Variants in TPRX1 observed in about 807,000 individuals in gnomAD.
TPRX1 encodes the protein tetrapeptide repeat homeobox 1.
Under a neutral mutation model 8.1 loss-of-function variants are expected in TPRX1, and 2 were observed. That is an observed-to-expected ratio of 0.25 (90% CI 0.10 to 0.78). TPRX1 has a LOEUF of 0.78. Ranked by LOEUF, TPRX1 falls within the 30% of genes least tolerant of loss-of-function variation. The pLI, the probability that TPRX1 is intolerant of heterozygous loss-of-function variation, is 0.70. For missense variants in TPRX1, 517 were observed against 586.9 expected, an observed-to-expected ratio of 0.88 and a Z score of 1.23; for synonymous variants, 257 against 254.1, an observed-to-expected ratio of 1.01 and a Z score of -0.11.
At chr19:47,818,414 C>CCATT (rs1328304654) in intron 2 of TPRX1, 2 of 451,650 alleles carry the variant, frequency 4.4e-6, no homozygotes, top group African/African-American at 4.0e-5. Context: ...ATCCATCCAT[C>CCATT]CCTCCGTCCA....
At chr19:47,801,958 A>T in exon 4 of TPRX1, 1 of 1,614,082 alleles carries the variant, frequency 6.2e-7, no homozygotes, top group Non-Finnish European at 8.5e-7. Context: ...CTGTGAAGTG[A>T]GGGAATAACT....
chr19:47,805,790 A>G (rs907397245), intron 2 of TPRX1, among the ~76,000 whole-genome samples: 1 of 152,202 alleles, frequency 6.6e-6, no homozygotes, highest in Non-Finnish European at 1.5e-5. Context: ...GTCAATAAAG[A>G]CATAAACAGA....
At chr19:47,802,816 C>G in exon 4 of TPRX1, 4 of 1,601,422 alleles carry the variant, frequency 2.5e-6, no homozygotes, top group Non-Finnish European at 3.4e-6. Flanking sequence ...TGGGTTCCGC[C>G]GCTGGAAGGA....
rs193135688 is a variant in TPRX1 at position 47,816,661 on chromosome 19, T to C, written c.151+1807A>G. ...CATTCTCCTACCTCAGCCTCCCGAG[T>C]AGCTGGGACTACAGGCGCCCGCCAC... On this transcript the variant is annotated intron_variant, in intron 2 of 3. Transcript: ENST00000535759. Among the ~76,000 whole-genome samples, 876 of 151,434 alleles carry C rather than the reference T, an allele frequency of 5.8e-3. 12 individuals carry two copies. Among genetic ancestry groups the C allele is most frequent in the Admixed American group, 0.026 (390 of 15,132 alleles).
intron 2 of TPRX1, among the ~76,000 whole-genome samples, chr19:47,807,695 G>A (rs934108482): frequency 6.6e-6 from 1 of 152,026 alleles, no homozygotes. Flanking sequence ...CTTTAAGTGG[G>A]TACTTTTATA....
chr19:47,817,838 C>T (rs1044371660), intron 2 of TPRX1, among the ~76,000 whole-genome samples: 2 of 152,244 alleles, frequency 1.3e-5, no homozygotes, highest in Non-Finnish European at 2.9e-5. Context: ...CATGCCAGCT[C>T]TTGGCAAGAC....
chr19:47,815,155 T>TATGCAA (rs1967826637), intron 2 of TPRX1, among the ~76,000 whole-genome samples: 1 of 86,800 alleles, frequency 1.2e-5, no homozygotes, highest in African/African-American at 5.0e-5. Context: ...CAAATATATA[T>TATGCAA]ATATATATTT....
chr19:47,818,243 TCACCCATCCATCCATCCATCCATC>T (rs1324924580), intron 2 of TPRX1, among the ~76,000 whole-genome samples: 1 of 129,106 alleles, frequency 7.7e-6, no homozygotes. Flanking sequence ...CACCCATCCA[TCACCCATCCATCCATCCATCCATC>T]CATCCATCCA....
intron 2 of TPRX1, among the ~76,000 whole-genome samples, chr19:47,816,316 C>T (rs1967840199): frequency 6.6e-6 from 1 of 152,076 alleles, no homozygotes; most frequent in Non-Finnish European, 1.5e-5. Context: ...GATCCTCCCA[C>T]CTTGGCTTCC....
intron 2 of TPRX1, among the ~76,000 whole-genome samples, chr19:47,805,268 C>T (rs963626561): frequency 2.6e-5 from 4 of 152,120 alleles, no homozygotes; most frequent in South Asian, 2.1e-4. Context: ...AGTTTATATA[C>T]GGGGCTCGTG....
intron 2 of TPRX1, among the ~76,000 whole-genome samples, chr19:47,815,115 TA>T (rs1967819995): frequency 1.4e-4 from 1 of 7,392 alleles, no homozygotes; most frequent in Non-Finnish European, 2.6e-4. Context: ...ATAGATAAAT[TA>T]TATATATATA....
At chr19:47,818,013 C>A (rs960862536) in intron 2 of TPRX1, among the ~76,000 whole-genome samples, 1 of 152,176 alleles carries the variant, frequency 6.6e-6, no homozygotes, top group African/African-American at 2.4e-5. Flanking sequence ...ACAGTTAGAG[C>A]CTGAATGAAT....
At chr19:47,816,750 T>C (rs1370415429) in intron 2 of TPRX1, among the ~76,000 whole-genome samples, 4 of 151,756 alleles carry the variant, frequency 2.6e-5, no homozygotes, top group Non-Finnish European at 4.4e-5. Context: ...GCCAGGATGG[T>C]CTCGATCTCC....
intron 2 of TPRX1, among the ~76,000 whole-genome samples, chr19:47,815,248 G>A (rs1599957220): frequency 7.0e-6 from 1 of 143,194 alleles, no homozygotes; most frequent in African/African-American, 2.6e-5. Context: ...TCCGCCTCCC[G>A]GGTTCAAGCG....
chr19:47,811,043 A>G (rs1015653077), intron 2 of TPRX1, among the ~76,000 whole-genome samples: 2 of 147,350 alleles, frequency 1.4e-5, no homozygotes, highest in African/African-American at 5.0e-5. Context: ...TCTCTCTGTC[A>G]CCCAGGCTGG....
Position 47,802,236 on chromosome 19 carries a change from T to C in TPRX1, c.1066A>G (p.Ile356Val), listed in dbSNP as rs754628058. The C allele has an allele frequency of 5.6e-6, 9 of 1,605,438 alleles. No homozygotes were observed. The highest frequency in any genetic ancestry group is 3.4e-5 in the South Asian group (3 of 89,366). ...CCTATAATTGGGCCTGGGCCTGAGATTGGGCCTGGGATTGGGCCTGGGATC... is the reference window on the plus strand; with the variant it reads ...CCTATAATTGGGCCTGGGCCTGAGACTGGGCCTGGGATTGGGCCTGGGATC... The change falls in exon 4 of 4, where the codon ATC (isoleucine) becomes GTC (valine). Residue 356 changes from isoleucine to valine, a missense_variant. Physicochemically the swap from Ile to Val is conservative, Grantham distance 29. This residue lies in a region of TPRX1 where 506 missense variants were observed against 515.5 expected (regional missense o/e 0.98). Coordinates refer to ENST00000535759, the Ensembl canonical transcript of TPRX1.
rs141316126 is a variant in TPRX1, at chr19:47,806,614, A to T, written c.152-2941T>A. Among the ~76,000 whole-genome samples the T allele has an allele frequency of 4.0e-3, 613 of 152,306 alleles. 4 individuals are homozygous for T. The highest frequency in any genetic ancestry group is 0.014 in the African/African-American group (584 of 41,572). On this transcript the variant is annotated intron_variant, in intron 2 of 3. Coordinates refer to ENST00000535759, the Ensembl canonical transcript of TPRX1. ...AATGGGATATTACTCAACCATGAAAAGGAATAAAGCTCTGATACGTGCTAC... is the reference window on the plus strand; with the variant it reads ...AATGGGATATTACTCAACCATGAAATGGAATAAAGCTCTGATACGTGCTAC...
intron 3 of TPRX1, among the ~76,000 whole-genome samples, chr19:47,803,252 C>T (rs1373049426): frequency 6.6e-6 from 1 of 151,714 alleles, no homozygotes; most frequent in Non-Finnish European, 1.5e-5. Context: ...GGAGGGACCG[C>T]GGGTTCTCAC....
chr19:47,818,427 C>T, intron 2 of TPRX1: 1 of 454,532 alleles, frequency 2.2e-6, no homozygotes, highest in Non-Finnish European at 4.4e-6. Flanking sequence ...TCCGTCCATC[C>T]ATCCATCCAT....
Sources: allele counts gnomAD v4.1 joint callset (sites outside exome capture counted in the v4.1 genomes callset), GRCh38; gene constraint gnomAD v4.1.1; regional missense constraint gnomAD v4.1.1; transcripts MANE v1.5; gene names NCBI Gene and HGNC (gene_info 2026-07-23, HGNC 2026-07-21).